TNRC6B: variants seen among roughly 807,000 people sequenced by gnomAD.
The protein encoded by TNRC6B is trinucleotide repeat containing adaptor 6B.
Under a neutral mutation model 203.6 loss-of-function variants are expected in TNRC6B, and 52 were observed. That is an observed-to-expected ratio of 0.26 (90% confidence interval 0.20 to 0.32). The LOEUF is 0.32. TNRC6B is among the 10% of genes least tolerant of loss of function. The pLI, the probability that TNRC6B is intolerant of heterozygous loss-of-function variation, is 1.00. For synonymous variants in TNRC6B, 838 were observed against 845.7 expected (o/e 0.99, Z 0.16); for missense variants, 1,923 against 2,286.2 (o/e 0.84, Z 3.24).
At chr22:40,069,753 G>T (rs1310013777) in intron 1 of TNRC6B, among the ~76,000 whole-genome samples, 1 of 152,112 alleles carries the variant, frequency 6.6e-6, no homozygotes, top group African/African-American at 2.4e-5. Flanking sequence ...TCCCAAAAGT[G>T]CTGGGATTAC....
intron 12 of TNRC6B, among the ~76,000 whole-genome samples, chr22:40,296,633 T>C (rs936639817): frequency 4.8e-5 from 7 of 146,628 alleles, no homozygotes; most frequent in African/African-American, 1.7e-4. Flanking sequence ...CGCCCGGCCT[T>C]TTTTTTTTTT....
At chr22:40,067,946 G>A (rs1225460389) in intron 1 of TNRC6B, among the ~76,000 whole-genome samples, 2 of 152,050 alleles carry the variant, frequency 1.3e-5, no homozygotes, top group Non-Finnish European at 2.9e-5. Context: ...CCATCACAGT[G>A]GATATGTTAT....
At chr22:40,163,266 T>C (rs1310275506) in intron 4 of TNRC6B, among the ~76,000 whole-genome samples, 1 of 149,218 alleles carries the variant, frequency 6.7e-6, no homozygotes, top group Non-Finnish European at 1.5e-5. Flanking sequence ...ATGGAAAAAT[T>C]AGCTGAGCGT....
At chr22:40,150,488 A>G (rs2068741276) in intron 3 of TNRC6B, among the ~76,000 whole-genome samples, 2 of 152,216 alleles carry the variant, frequency 1.3e-5, no homozygotes, top group Non-Finnish European at 2.9e-5. Context: ...AAAGTTTTGG[A>G]AGCTGGGAAG....
chr22:40,190,171 A>C (rs1373060340), intron 1 of TNRC6B, among the ~76,000 whole-genome samples: 1 of 152,140 alleles, frequency 6.6e-6, no homozygotes. Context: ...CTTCATTCTT[A>C]TTTATTGACT....
intron 1 of TNRC6B, among the ~76,000 whole-genome samples, chr22:40,218,572 C>T (rs1249066784): frequency 6.6e-6 from 1 of 152,114 alleles, no homozygotes; most frequent in Admixed American, 6.6e-5. Flanking sequence ...AAATGATCCA[C>T]TCGCCTTGGC....
chr22:40,099,967 G>A (rs1457611082), intron 1 of TNRC6B, among the ~76,000 whole-genome samples: 1 of 152,104 alleles, frequency 6.6e-6, no homozygotes, highest in Non-Finnish European at 1.5e-5. Flanking sequence ...TAGCCAGGAT[G>A]GTCTCGATCT....
At chr22:40,061,933 G>A (rs2067857075) in intron 1 of TNRC6B, among the ~76,000 whole-genome samples, 1 of 151,912 alleles carries the variant, frequency 6.6e-6, no homozygotes, top group Non-Finnish European at 1.5e-5. Context: ...AATTAGCTGG[G>A]CGTGGTGGTG....
intron 20 of TNRC6B, 32 bp from the exon 21 acceptor site, chr22:40,315,910 C>G (rs755246007): frequency 7.0e-6 from 11 of 1,567,532 alleles, no homozygotes; most frequent in Non-Finnish European, 9.6e-6. Context: ...TGTTTTATTT[C>G]TCTTCCTAAC....
intron 3 of TNRC6B, among the ~76,000 whole-genome samples, chr22:40,149,323 G>C (rs1016139016): frequency 1.3e-5 from 2 of 152,144 alleles, no homozygotes; most frequent in South Asian, 2.1e-4. Context: ...TGCATCTATA[G>C]TGATAGAAAG....
chr22:40,143,980 T>C (rs1400033932), intron 3 of TNRC6B, among the ~76,000 whole-genome samples: 1 of 152,200 alleles, frequency 6.6e-6, no homozygotes, highest in Admixed American at 6.5e-5. Flanking sequence ...TGTTCAACAT[T>C]ATTCATGAGC....
At chr22:40,046,646 T>A (rs989071092) in intron 1 of TNRC6B, among the ~76,000 whole-genome samples, 1 of 119,366 alleles carries the variant, frequency 8.4e-6, no homozygotes, top group Non-Finnish European at 1.6e-5. Flanking sequence ...AGAGTCTCAA[T>A]TTTTTTTTTT....
chr22:40,276,511 A>G (rs1420332450), intron 7 of TNRC6B, among the ~76,000 whole-genome samples: 1 of 152,176 alleles, frequency 6.6e-6, no homozygotes, highest in Non-Finnish European at 1.5e-5. Flanking sequence ...AGTTTGTCCC[A>G]TTAAAAAATT....
chr22:40,313,314 G>A (rs372225182), intron 19 of TNRC6B, among the ~76,000 whole-genome samples: 4 of 152,198 alleles, frequency 2.6e-5, no homozygotes, highest in East Asian at 1.9e-4. Flanking sequence ...AAGAAGTCAA[G>A]GGTCATGAGA....
At chr22:40,286,804 C>T (rs916176432) in intron 12 of TNRC6B, among the ~76,000 whole-genome samples, 1 of 152,100 alleles carries the variant, frequency 6.6e-6, no homozygotes, top group African/African-American at 2.4e-5. Context: ...TTCCCTGTTC[C>T]CCTTTGTGAG....
intron 1 of TNRC6B, 113 bp from the exon 2 acceptor site, chr22:40,245,902 C>A: frequency 1.6e-6 from 1 of 641,042 alleles, no homozygotes; most frequent in Non-Finnish European, 2.6e-6. Flanking sequence ...GTGTTCTATT[C>A]AGTCACAGAG....
intron 12 of TNRC6B, among the ~76,000 whole-genome samples, chr22:40,289,210 G>A (rs2070834832): frequency 1.3e-5 from 2 of 152,030 alleles, no homozygotes. Flanking sequence ...TTGAGTCTGG[G>A]AGGCGAGGCT....
At position 40,132,969 on chromosome 22, in the gene TNRC6B, A is replaced by AT. The variant is rs1555884686; in HGVS notation, c.45+7107_45+7108insT. 9.6e-3 allele frequency among the ~76,000 whole-genome samples: 752 copies of AT among 78,086 alleles called. 11 individuals carry two copies. The highest frequency in any genetic ancestry group is 0.026 in the African/African-American group (663 of 25,134). The allele number at this position is 78,086 out of a possible 152,430, so 51.2% of individuals were successfully genotyped here. A position where few individuals can be genotyped will look rare whatever the true frequency, so the allele number is the denominator to read the frequency against. ...AAAAAAAAAAAAAAAAAAAAAAAAA[A>AT]ATATATATATATATATATATATTCT... is the stretch of plus-strand genomic sequence containing the variant. On this transcript the variant is annotated intron_variant, in intron 3 of 23. Coordinates refer to the TNRC6B transcript ENST00000301923.
intron 10 of TNRC6B, among the ~76,000 whole-genome samples, chr22:40,280,768 G>T (rs1428037912): frequency 2.6e-5 from 4 of 152,220 alleles, no homozygotes; most frequent in Non-Finnish European, 5.9e-5. Context: ...TGCTGGTCCA[G>T]ACAGCAACAT....
Sources: allele counts gnomAD v4.1 joint callset (sites outside exome capture counted in the v4.1 genomes callset), GRCh38; gene constraint gnomAD v4.1.1; transcripts MANE v1.5; gene names NCBI Gene and HGNC (gene_info 2026-07-23, HGNC 2026-07-21).